HPGDS: variants seen among roughly 807,000 people sequenced by gnomAD.
HPGDS encodes the protein hematopoietic prostaglandin D synthase.
A neutral mutation model predicts 23.1 loss-of-function variants in HPGDS; 26 were observed. The ratio of observed to expected loss-of-function variants is 1.13; its 90% confidence interval spans 0.83 to 1.56. HPGDS has a LOEUF of 1.56. HPGDS is among the 40% of genes most tolerant of loss of function. HPGDS has a pLI of 0.00. For missense variants in HPGDS, 268 were observed against 236.4 expected (o/e 1.13, Z -0.88); for synonymous variants, 95 against 77.9 (o/e 1.22, Z -1.16).
intron 1 of HPGDS, among the ~76,000 whole-genome samples, chr4:94,338,612 C>T (rs1341716550): frequency 6.6e-6 from 1 of 152,108 alleles, no homozygotes; most frequent in Non-Finnish European, 1.5e-5. Flanking sequence ...TAAAGAGTCT[C>T]TACTAAAAAC....
At chr4:94,313,561 G>T (rs542876338) in intron 3 of HPGDS, among the ~76,000 whole-genome samples, 1 of 152,244 alleles carries the variant, frequency 6.6e-6, no homozygotes, top group African/African-American at 2.4e-5. Flanking sequence ...CTCTTTGGCT[G>T]CCCTTAACAT....
chr4:94,312,698 A>G (rs1309504451), intron 3 of HPGDS, among the ~76,000 whole-genome samples: 1 of 152,034 alleles, frequency 6.6e-6, no homozygotes, highest in Non-Finnish European at 1.5e-5. Flanking sequence ...TATCCTTGTT[A>G]ACTTTCTGTC....
chr4:94,334,881 CTTTA>C (rs1441372924), intron 1 of HPGDS, among the ~76,000 whole-genome samples: 2 of 152,170 alleles, frequency 1.3e-5, no homozygotes, highest in African/African-American at 4.8e-5. Flanking sequence ...CAAATTCAAA[CTTTA>C]TTTATAAAAA....
chr4:94,302,138 A>G lies in HPGDS; in HGVS notation c.435+8T>C, dbSNP rs1245799626. ...GCTTGAATTTTTTAAGATATAAAAC[A>G]TACTCACAGAGTTACCAATAAGCCA... On this transcript the variant is annotated splice_region_variant and intron_variant, in intron 5 of 5. Coordinates refer to ENST00000295256, the MANE Select transcript of HPGDS (RefSeq NM_014485.3). The G allele has an allele frequency of 2.5e-6, 4 of 1,577,340 alleles. No individual in the cohort carries two copies. Among genetic ancestry groups the G allele is most frequent in the Admixed American group, 1.7e-5 (1 of 59,578 alleles).
intron 2 of HPGDS, among the ~76,000 whole-genome samples, chr4:94,319,531 C>T (rs1226390780): frequency 1.3e-5 from 2 of 152,024 alleles, no homozygotes; most frequent in African/African-American, 2.4e-5. Flanking sequence ...TAGATAAAGG[C>T]TTATTTATCT....
At position 94,298,999 on chromosome 4, in the gene HPGDS, A is replaced by C. The variant is rs1755978891; in HGVS notation, c.*481T>G. 6.5e-6 allele frequency: 1 copy of C among 153,142 alleles called. No homozygotes were observed. The highest frequency in any genetic ancestry group is 1.5e-5 in the Non-Finnish European group (1 of 68,670). 9.5% of individuals were successfully genotyped at this position (153,142 alleles called of 1,614,324 possible). On this transcript the variant is annotated 3_prime_UTR_variant, in exon 6 of 6. Coordinates refer to ENST00000295256, the MANE Select transcript of HPGDS (RefSeq NM_014485.3). The stretch of plus-strand genomic sequence containing the variant: ...ACTTTGCTATCTATGCAGGAATAAC[A>C]GATGTGCAGTGACCTCTGGCAGTCT...
At chr4:94,314,761 C>T (rs1190178289) in intron 3 of HPGDS, among the ~76,000 whole-genome samples, 1 of 152,160 alleles carries the variant, frequency 6.6e-6, no homozygotes, top group African/African-American at 2.4e-5. Context: ...GGCAGGCAGG[C>T]CTCCTTGAGC....
intron 2 of HPGDS, among the ~76,000 whole-genome samples, chr4:94,326,312 C>A (rs916641058): frequency 1.3e-5 from 2 of 152,146 alleles, no homozygotes; most frequent in African/African-American, 4.8e-5. Flanking sequence ...TCCATCTCTT[C>A]TCCTTCTGGA....
At chr4:94,336,759 A>C (rs1038141107) in intron 1 of HPGDS, among the ~76,000 whole-genome samples, 1 of 152,210 alleles carries the variant, frequency 6.6e-6, no homozygotes, top group African/African-American at 2.4e-5. Flanking sequence ...CTTAGAAATA[A>C]ATAGTGGAAA....
At chr4:94,319,949 C>A (rs188252442) in intron 2 of HPGDS, among the ~76,000 whole-genome samples, 1 of 152,198 alleles carries the variant, frequency 6.6e-6, no homozygotes, top group East Asian at 1.9e-4. Flanking sequence ...GTGTGATGTT[C>A]CCCATCCTGT....
chr4:94,329,697 G>C (rs1034425553), intron 2 of HPGDS, among the ~76,000 whole-genome samples: 2 of 152,192 alleles, frequency 1.3e-5, no homozygotes, highest in Non-Finnish European at 2.9e-5. Context: ...TGAGCTTTTA[G>C]CTACTGGAAG....
At chr4:94,319,997 T>C (rs1264240242) in intron 2 of HPGDS, among the ~76,000 whole-genome samples, 2 of 152,064 alleles carry the variant, frequency 1.3e-5, no homozygotes, top group African/African-American at 4.8e-5. Context: ...CACCTATGAG[T>C]GAGAACATGC....
intron 2 of HPGDS, among the ~76,000 whole-genome samples, chr4:94,318,775 C>T (rs577645933): frequency 2.6e-5 from 4 of 152,008 alleles, no homozygotes; most frequent in South Asian, 2.1e-4. Flanking sequence ...TGCAGTGGTG[C>T]GATCTCAGCT....
At chr4:94,328,651 TTTTCA>T (rs1484236989) in intron 2 of HPGDS, among the ~76,000 whole-genome samples, 24 of 152,368 alleles carry the variant, frequency 1.6e-4, no homozygotes, top group East Asian at 1.3e-3. Context: ...TGTAAATCAC[TTTTCA>T]TTTCAAGTTT....
intron 5 of HPGDS, 98 bp downstream of exon 5, chr4:94,302,048 C>G (rs1416012745): frequency 3.2e-6 from 2 of 630,638 alleles, no homozygotes; most frequent in Non-Finnish European, 5.5e-6. Context: ...TAAATTCTAT[C>G]CCCTCCCTAT....
At chr4:94,323,351 T>G (rs963398625) in intron 2 of HPGDS, among the ~76,000 whole-genome samples, 1 of 152,184 alleles carries the variant, frequency 6.6e-6, no homozygotes, top group African/African-American at 2.4e-5. Flanking sequence ...TGTCTAATAT[T>G]GACATTGAGG....
At chr4:94,326,701 G>C (rs1176826417) in intron 2 of HPGDS, among the ~76,000 whole-genome samples, 1 of 151,900 alleles carries the variant, frequency 6.6e-6, no homozygotes, top group Non-Finnish European at 1.5e-5. Flanking sequence ...GGCATTTCAT[G>C]TATTTCCTTT....
chr4:94,320,544 A>C (rs567714836), intron 2 of HPGDS, among the ~76,000 whole-genome samples: 18 of 152,128 alleles, frequency 1.2e-4, no homozygotes, highest in African/African-American at 4.3e-4. Context: ...GTGTCTGTTG[A>C]CTGCATAAAT....
chr4:94,324,611 A>T (rs62320437), intron 2 of HPGDS, among the ~76,000 whole-genome samples: 6,707 of 152,140 alleles, frequency 0.044, 210 homozygotes, highest in Non-Finnish European at 0.064. Flanking sequence ...AGCTCCATCA[A>T]GTCATTTAAG....
Sources: allele counts gnomAD v4.1 joint callset (sites outside exome capture counted in the v4.1 genomes callset), GRCh38; gene constraint gnomAD v4.1.1; transcripts MANE v1.5; gene names NCBI Gene and HGNC (gene_info 2026-07-23, HGNC 2026-07-21).